Variants in TNFRSF8 observed in about 807,000 individuals in gnomAD.
TNFRSF8 encodes tumor necrosis factor receptor superfamily member 8.
In TNFRSF8, 26 loss-of-function variants were observed where a neutral mutation model predicts 70.8. The ratio of observed to expected loss-of-function variants is 0.37; its 90% CI spans 0.27 to 0.51. TNFRSF8 has a LOEUF of 0.51. Ranked by LOEUF, TNFRSF8 falls within the 20% of genes least tolerant of loss-of-function variation. The probability of loss-of-function intolerance (pLI) is 0.94; values close to 1 mark genes in which losing one functional copy is unlikely to be tolerated. For synonymous variants in TNFRSF8, 356 were observed against 339.2 expected (o/e 1.05, Z -0.54); for missense variants, 720 against 807.9 (o/e 0.89, Z 1.32).
rs936464883 is a variant in TNFRSF8 at position 12,097,352 on chromosome 1, A to G, written c.268+135A>G. The G allele has an allele frequency of 9.8e-6, 6 of 609,704 alleles. No individual in the cohort carries two copies. In the African/African-American group the frequency reaches 1.1e-4, roughly 11 times the overall value. 37.8% of individuals were successfully genotyped at this position (609,704 alleles called of 1,614,324 possible). On this transcript the variant is annotated intron_variant, in intron 3 of 14. Coordinates refer to ENST00000263932, the MANE Select transcript of TNFRSF8 (RefSeq NM_001243.5). ...CTCTGAATTGTCCTCCTGGTGCCTC[A>G]GTTTACCTCTCTGCATTTGTGATTT...
Position 12,104,421 on chromosome 1 carries a change from G to A in TNFRSF8, c.311G>A (p.Arg104His), listed in dbSNP as rs1327388285. The change falls in exon 4 of 15, where the codon CGT becomes CAT. Residue 104 changes from arginine to histidine, a missense_variant. Physicochemically the swap from Arg to His is conservative, Grantham distance 29. Coordinates refer to ENST00000263932, the MANE Select transcript of TNFRSF8 (RefSeq NM_001243.5). ...EKTPCAWNSS[R>H]VCECRPGMFC... The stretch of plus-strand genomic sequence containing the variant: ...ACGCCGTGTGCATGGAACTCCTCCC[G>A]TGTCTGCGAATGTCGACCCGGCATG... 3 of 1,614,088 alleles carry A rather than the reference G, an allele frequency of 1.9e-6. No homozygotes were observed. Among genetic ancestry groups the A allele is most frequent in the Non-Finnish European group, 2.5e-6 (3 of 1,180,034 alleles).
chr1:12,123,690 T>G (rs1259170657), intron 9 of TNFRSF8, 25 bp from the exon 10 acceptor site: 1 of 1,540,414 alleles, frequency 6.5e-7, no homozygotes, highest in Admixed American at 2.0e-5. Context: ...TCTTCATCAC[T>G]CCTGCCTTGG....
At position 12,138,128 on chromosome 1, in the gene TNFRSF8, A is replaced by G; in HGVS notation, c.1336-101A>G. The G allele has an allele frequency of 8.1e-7, 1 of 1,231,058 alleles. No homozygotes were observed. The highest frequency in any genetic ancestry group is 1.1e-6 in the Non-Finnish European group (1 of 890,178). 76.3% of individuals were successfully genotyped at this position (1,231,058 alleles called of 1,614,324 possible). On this transcript the variant is annotated intron_variant, in intron 13 of 14. Transcript: ENST00000263932. This position sits in a 1 kb window ranked among gnomAD's most constrained non-coding sequence, Gnocchi z 5.7. ...GCTTTTAAAGCAGAAAGGGGGACTC[A>G]CTGGGGTCTGTAGAGATGAAAAAAA...
In TNFRSF8 at chr1:12,081,743, C is replaced by G. The variant is rs371323372; in HGVS notation, c.64-2721C>G. Among the ~76,000 whole-genome samples, 4 of 152,160 alleles carry G rather than the reference C, an allele frequency of 2.6e-5. No homozygotes were observed. In the East Asian group the frequency reaches 7.7e-4, roughly 29 times the overall value. On this transcript the variant is annotated intron_variant, in intron 1 of 14. Coordinates refer to ENST00000263932, the MANE Select transcript of TNFRSF8 (RefSeq NM_001243.5). Reference sequence around the variant, plus strand: ...GCTTTCTGCTGCTTCCTGAACATGCCGGAAGCTTCACTGCTCCCTCGAGTG... The same window carrying G: ...GCTTTCTGCTGCTTCCTGAACATGCGGGAAGCTTCACTGCTCCCTCGAGTG...
chr1:12,135,743 C>T (rs1329467511), intron 13 of TNFRSF8, 130 bp downstream of exon 13: 1 of 1,308,582 alleles, frequency 7.6e-7, no homozygotes, highest in Non-Finnish European at 1.1e-6. Flanking sequence ...ATTCCCCTCC[C>T]ACAGTGCCCA....
intron 1 of TNFRSF8, among the ~76,000 whole-genome samples, chr1:12,068,339 C>T (rs930955462): frequency 6.6e-6 from 1 of 152,160 alleles, no homozygotes; most frequent in African/African-American, 2.4e-5. Flanking sequence ...TCACAGTCCT[C>T]ATTTCACAGA....
chr1:12,094,861 A>G (rs991844240), intron 2 of TNFRSF8, among the ~76,000 whole-genome samples: 6 of 151,614 alleles, frequency 4.0e-5, no homozygotes, highest in African/African-American at 1.5e-4. Context: ...TATGACCTCA[A>G]ATGATCCATG....
At chr1:12,106,352 C>T (rs1278521525) in intron 4 of TNFRSF8, among the ~76,000 whole-genome samples, 2 of 152,126 alleles carry the variant, frequency 1.3e-5, no homozygotes, top group African/African-American at 2.4e-5. Context: ...CCTACTCAGC[C>T]CTGAGCTCTC....
At position 12,097,166 on chromosome 1, in the gene TNFRSF8, T is replaced by C; in HGVS notation, c.217T>C (p.Tyr73His). Residue 73 changes from tyrosine (Y) to histidine (H), a missense_variant, in exon 3 of 15, where the codon TAC (tyrosine) becomes CAC (histidine). Transcript: ENST00000263932. ...CTGCAGGAAGCAGTGTGAGCCTGAC[T>C]ACTACCTGGATGAGGCCGACCGCTG... ...TDCRKQCEPD[Y>H]YLDEADRCTA... 1 of 1,614,092 alleles carries C rather than the reference T, an allele frequency of 6.2e-7. No homozygotes were observed. Among genetic ancestry groups the C allele is most frequent in the East Asian group, 2.2e-5 (1 of 44,880 alleles).
chr1:12,136,751 T>C (rs1467927877), intron 13 of TNFRSF8, among the ~76,000 whole-genome samples: 2 of 151,896 alleles, frequency 1.3e-5, no homozygotes, highest in African/African-American at 4.8e-5. Context: ...TTAAAAGTAA[T>C]GGCAAACCTG....
intron 2 of TNFRSF8, among the ~76,000 whole-genome samples, chr1:12,089,534 T>A (rs1275053706): frequency 6.6e-6 from 1 of 152,022 alleles, no homozygotes; most frequent in Non-Finnish European, 1.5e-5. Flanking sequence ...GGAGGAAGTA[T>A]GTGGGCGTGG....
At chr1:12,074,249 A>G (rs958225777) in intron 1 of TNFRSF8, among the ~76,000 whole-genome samples, 1 of 151,192 alleles carries the variant, frequency 6.6e-6, no homozygotes, top group Non-Finnish European at 1.5e-5. Context: ...CCCTAGTGCC[A>G]AAGGCAACAT....
chr1:12,105,953 A>G (rs1227366573), intron 4 of TNFRSF8, among the ~76,000 whole-genome samples: 3 of 151,822 alleles, frequency 2.0e-5, no homozygotes, highest in East Asian at 1.9e-4. Flanking sequence ...AAAAAAAAAA[A>G]AAAAAGAAAA....
intron 1 of TNFRSF8, among the ~76,000 whole-genome samples, chr1:12,067,411 G>A (rs527656084): frequency 3.9e-5 from 6 of 152,290 alleles, no homozygotes; most frequent in East Asian, 1.9e-4. Flanking sequence ...AGCTGGGGCC[G>A]GGCGCTGTGG....
At chr1:12,136,870 C>CTTTTTTT (rs201470263) in intron 13 of TNFRSF8, among the ~76,000 whole-genome samples, 12 of 118,706 alleles carry the variant, frequency 1.0e-4, no homozygotes, top group African/African-American at 2.8e-4. Flanking sequence ...ATACTCAGTT[C>CTTTTTTT]TTTTTTTTTT....
At chr1:12,121,100 G>C (rs939269401) in intron 8 of TNFRSF8, among the ~76,000 whole-genome samples, 5 of 152,192 alleles carry the variant, frequency 3.3e-5, no homozygotes, top group African/African-American at 1.2e-4. Context: ...TCCACTCAAA[G>C]TAAGTGTTCA....
rs779723451 is a variant in TNFRSF8, at chr1:12,135,612, C to T, written c.1334C>T (p.Thr445Met). The T allele has an allele frequency of 1.7e-5, 28 of 1,613,972 alleles. No individual in the cohort carries two copies. Among genetic ancestry groups the T allele is most frequent in the African/African-American group, 9.3e-5 (7 of 74,906 alleles). Residue 445 changes from threonine (T) to methionine (M), a missense_variant and splice_region_variant, in exon 13 of 15, where the codon ACG (threonine) becomes ATG (methionine). By Grantham distance (81) the Thr-to-Met change is moderately conservative. Transcript: ENST00000263932. ...LVDSRPRRSSTQLRSGASVTE... is the reference protein window; with the variant it reads ...LVDSRPRRSSMQLRSGASVTE... ...GATTCCAGACCCAGGAGGAGCTCAACGGTAAGTACCCCTCCCTTGCCCCCA... is the reference window on the plus strand; with the variant it reads ...GATTCCAGACCCAGGAGGAGCTCAATGGTAAGTACCCCTCCCTTGCCCCCA...
rs1322281107 is a variant in TNFRSF8, at chr1:12,142,218, T to C, written c.1544-69T>C. The C allele has an allele frequency of 2.0e-6, 3 of 1,487,236 alleles. No homozygotes were observed. The highest frequency in any genetic ancestry group is 2.8e-5 in the African/African-American group (2 of 71,586). The allele number at this position is 1,487,236 out of a possible 1,614,324, so 92.1% of individuals were successfully genotyped here. On this transcript the variant is annotated intron_variant, in intron 14 of 14. Coordinates refer to ENST00000263932, the MANE Select transcript of TNFRSF8 (RefSeq NM_001243.5). This position sits in a 1 kb window ranked among gnomAD's most constrained non-coding sequence, Gnocchi z 5.0. ...TACCAGCACTGGGCCTCGGCCCTTC[T>C]CTGCCTCTTTGCTCCCATCCTGGCT...
chr1:12,142,467 T>C lies in TNFRSF8; in HGVS notation c.1724T>C (p.Val575Ala). The stretch of plus-strand genomic sequence containing the variant: ...CCGCCTCTGGGCAGCTGCAGCGATG[T>C]CATGCTCTCAGTGGAAGAGGAAGGG... ...TEPPLGSCSD[V>A]MLSVEEEGKE... The change falls in exon 15 of 15, where the codon GTC becomes GCC. Residue 575 changes from valine (V) to alanine (A), a missense_variant. By Grantham distance (64) the Val-to-Ala change is moderately conservative. Coordinates refer to ENST00000263932, the MANE Select transcript of TNFRSF8 (RefSeq NM_001243.5). This position sits in a 1 kb window ranked among gnomAD's most constrained non-coding sequence, Gnocchi z 5.0. 1 of 1,609,928 alleles carries C rather than the reference T, an allele frequency of 6.2e-7. No homozygotes were observed. Among genetic ancestry groups the C allele is most frequent in the Middle Eastern group, 1.7e-4 (1 of 6,056 alleles).
Sources: allele counts gnomAD v4.1 joint callset (sites outside exome capture counted in the v4.1 genomes callset), GRCh38; gene constraint gnomAD v4.1.1; non-coding constraint Gnocchi (gnomAD v3.1); transcripts MANE v1.5; gene names NCBI Gene and HGNC (gene_info 2026-07-23, HGNC 2026-07-21).